Variants in FRMD4B observed in about 807,000 individuals in gnomAD.
FRMD4B encodes the protein FERM domain containing 4B, also known as FERM domain-containing protein 4B.
In FRMD4B, 74 loss-of-function variants were observed where a neutral mutation model predicts 141.5. The ratio of observed to expected loss-of-function variants is 0.52; its 90% CI spans 0.43 to 0.63. The LOEUF (loss-of-function observed/expected upper bound fraction) is 0.63, where lower values mean the gene tolerates loss of function less well. Ranked by LOEUF, FRMD4B falls within the 30% of genes least tolerant of loss-of-function variation. The pLI, the probability that FRMD4B is intolerant of heterozygous loss-of-function variation, is 0.00. For synonymous variants in FRMD4B, 506 were observed against 467.9 expected, an observed-to-expected ratio of 1.08 and a Z score of -1.05; for missense variants, 1,366 against 1,253.4, an observed-to-expected ratio of 1.09 and a Z score of -1.36.
At chr3:69,411,442 C>T (rs1704760206) in intron 2 of FRMD4B, among the ~76,000 whole-genome samples, 2 of 152,102 alleles carry the variant, frequency 1.3e-5, no homozygotes, top group Admixed American at 1.3e-4. Context: ...ACAATTTAAA[C>T]CTGGGATAGA....
intron 1 of FRMD4B, among the ~76,000 whole-genome samples, chr3:69,452,306 T>C (rs750033615): frequency 6.6e-6 from 1 of 152,242 alleles, no homozygotes; most frequent in African/African-American, 2.4e-5. Context: ...AGGAAGCAAC[T>C]GGGCAGAGGT....
chr3:69,437,803 AT>A (rs1280189054), intron 1 of FRMD4B, among the ~76,000 whole-genome samples: 2 of 121,456 alleles, frequency 1.6e-5, no homozygotes, highest in Non-Finnish European at 3.2e-5. Context: ...ATATATTTAT[AT>A]TTTTATATAT....
intron 1 of FRMD4B, among the ~76,000 whole-genome samples, chr3:69,323,608 G>GTATATATATATATATATA (rs55847019): frequency 2.0e-5 from 2 of 101,670 alleles, no homozygotes; most frequent in Non-Finnish European, 3.9e-5. Flanking sequence ...CTCTCTCTGT[G>GTATATATATATATATATA]TATATATATA....
At chr3:69,314,138 CA>C (rs57956106) in intron 1 of FRMD4B, among the ~76,000 whole-genome samples, 2 of 13,176 alleles carry the variant, frequency 1.5e-4, no homozygotes, top group Non-Finnish European at 2.4e-4. Context: ...GACTCCGTCT[CA>C]AAAAAAAAAA....
intron 1 of FRMD4B, chr3:69,323,067 G>C: frequency 2.3e-6 from 2 of 851,720 alleles, no homozygotes; most frequent in Non-Finnish European, 2.8e-6. Context: ...GAGGGAGGGA[G>C]AAAAGCAGGC....
At chr3:69,291,005 T>C (rs989865105) in intron 4 of FRMD4B, among the ~76,000 whole-genome samples, 1 of 152,316 alleles carries the variant, frequency 6.6e-6, no homozygotes, top group Admixed American at 6.5e-5. Flanking sequence ...TTCACCAAAA[T>C]GTTAACATAT....
At chr3:69,236,741 G>C (rs1189875024) in intron 7 of FRMD4B, among the ~76,000 whole-genome samples, 1 of 152,166 alleles carries the variant, frequency 6.6e-6, no homozygotes, top group East Asian at 1.9e-4. Context: ...CCCTGGATGA[G>C]TTATCTCTGT....
intron 21 of FRMD4B, 100 bp downstream of exon 21, chr3:69,180,799 C>T (rs951285443): frequency 1.3e-6 from 1 of 778,980 alleles, no homozygotes; most frequent in Non-Finnish European, 2.1e-6. Context: ...CCACTTTTGA[C>T]CCTGAGTACT....
chr3:69,343,610 C>G (rs1455180427), intron 1 of FRMD4B, among the ~76,000 whole-genome samples: 2 of 123,768 alleles, frequency 1.6e-5, no homozygotes, highest in South Asian at 5.3e-4. Flanking sequence ...GACGGGGTCT[C>G]GCTCTGTCAC....
At chr3:69,193,317 T>C (rs2092860926) in intron 17 of FRMD4B, among the ~76,000 whole-genome samples, 1 of 152,134 alleles carries the variant, frequency 6.6e-6, no homozygotes, top group Non-Finnish European at 1.5e-5. Flanking sequence ...GAGACCAGCC[T>C]GACCGAGATG....
chr3:69,322,592 CTCT>C (rs1702044450), intron 1 of FRMD4B, among the ~76,000 whole-genome samples: 1 of 81,316 alleles, frequency 1.2e-5, no homozygotes, highest in Admixed American at 1.5e-4. Context: ...TTTTCTCTCT[CTCT>C]TTTTTTTTTT....
At chr3:69,447,887 T>C (rs918768133) in intron 1 of FRMD4B, among the ~76,000 whole-genome samples, 1 of 152,378 alleles carries the variant, frequency 6.6e-6, no homozygotes, top group African/African-American at 2.4e-5. Flanking sequence ...TTTGTTATTT[T>C]GTATGGTTTC....
intron 1 of FRMD4B, among the ~76,000 whole-genome samples, chr3:69,486,218 C>A (rs1706213191): frequency 6.6e-6 from 1 of 152,098 alleles, no homozygotes. Flanking sequence ...TAATTCAAAA[C>A]ATTTATTTTT....
chr3:69,253,461 AT>A (rs2093475748), intron 5 of FRMD4B, among the ~76,000 whole-genome samples: 1 of 151,394 alleles, frequency 6.6e-6, no homozygotes, highest in South Asian at 2.1e-4. Flanking sequence ...TGTTATCAAC[AT>A]ACACTCTCAA....
At chr3:69,261,095 A>C (rs1438848319) in intron 5 of FRMD4B, among the ~76,000 whole-genome samples, 4 of 152,176 alleles carry the variant, frequency 2.6e-5, no homozygotes, top group Non-Finnish European at 5.9e-5. Flanking sequence ...CACTTTTCAC[A>C]CTGTGGAAGG....
At position 69,216,984 on chromosome 3, in the gene FRMD4B, TA is replaced by T. The variant is rs879663207; in HGVS notation, c.790-636del. 5.7e-3 allele frequency among the ~76,000 whole-genome samples: 813 copies of T among 142,672 alleles called. 13 individuals carry two copies. In the East Asian group the frequency reaches 0.08, roughly 14 times the overall value. 93.6% of individuals were successfully genotyped at this position (142,672 alleles called of 152,430 possible). ...ATCCAGTAAAAAGCCAGTTATCCAT[TA>T]AAAAAAAAAAAGCTCTTTGCCTCTT... is the stretch of plus-strand genomic sequence containing the variant. On this transcript the variant is annotated intron_variant, in intron 10 of 22. Transcript: ENST00000398540.
chr3:69,260,484 T>G (rs2093519556), intron 5 of FRMD4B, among the ~76,000 whole-genome samples: 2 of 152,172 alleles, frequency 1.3e-5, no homozygotes, highest in Admixed American at 1.3e-4. Flanking sequence ...GCGCTCGAAT[T>G]CTAGCCCAGC....
intron 1 of FRMD4B, among the ~76,000 whole-genome samples, chr3:69,323,923 T>G (rs6549200): frequency 0.15 from 23,261 of 151,940 alleles, 2,443 homozygotes; most frequent in African/African-American, 0.29. Context: ...ACTTAATGTA[T>G]CACCTTGATT....
chr3:69,196,480 T>C, intron 13 of FRMD4B, 84 bp from the exon 14 acceptor site: 1 of 1,054,812 alleles, frequency 9.5e-7, no homozygotes, highest in Non-Finnish European at 1.4e-6. Flanking sequence ...ACAATAAAAA[T>C]AGCAACACAG....
Sources: gnomAD v4.1 joint callset for allele counts (sites outside exome capture counted in the v4.1 genomes callset) on GRCh38, gnomAD v4.1.1 for gene constraint, MANE v1.5 for transcripts, NCBI Gene and HGNC (gene_info 2026-07-23, HGNC 2026-07-21) for gene names.